Variants in ERC1 observed in about 807,000 individuals in gnomAD.
ERC1 encodes ELKS/RAB6-interacting/CAST family member 1, also known as RAB6 interacting protein 2.
In ERC1, 56 loss-of-function variants were observed where a neutral mutation model predicts 132.0. The observed-to-expected ratio is 0.42, with a 90% confidence interval of 0.34 to 0.53. The LOEUF (loss-of-function observed/expected upper bound fraction) is 0.53. Among genes scored for constraint, ERC1 ranks in the 20% least tolerant of loss-of-function variants. ERC1 has a pLI of 0.03. For synonymous variants in ERC1, 478 were observed against 476.1 expected, an observed-to-expected ratio of 1.00 and a Z score of -0.05; for missense variants, 1,202 against 1,349.9, an observed-to-expected ratio of 0.89 and a Z score of 1.72.
rs77290590 is a variant in ERC1 at position 1,332,777 on chromosome 12, C to G, written c.2781-39056C>G. Among the ~76,000 whole-genome samples the G allele has an allele frequency of 5.2e-3, 796 of 152,296 alleles. 5 individuals carry two copies. The highest frequency in any genetic ancestry group is 0.018 in the African/African-American group (751 of 41,574). The stretch of plus-strand genomic sequence containing the variant: ...ATAGAAAAGATCATTTCAGGTTTCT[C>G]TGCTTACTTGTTACAGGTGGGGAAA... On this transcript the variant is annotated intron_variant, in intron 15 of 18. Coordinates refer to ENST00000360905, the MANE Select transcript of ERC1 (RefSeq NM_178040.4).
intron 2 of ERC1, among the ~76,000 whole-genome samples, chr12:1,063,902 TG>T (rs1335131047): frequency 6.6e-6 from 1 of 152,240 alleles, no homozygotes; most frequent in Non-Finnish European, 1.5e-5. Flanking sequence ...TGTGTTTTCG[TG>T]ATGATACATA....
At chr12:1,040,360 C>T (rs1435780268) in intron 2 of ERC1, among the ~76,000 whole-genome samples, 2 of 137,566 alleles carry the variant, frequency 1.5e-5, no homozygotes, top group Non-Finnish European at 3.0e-5. Flanking sequence ...CTCGCTCTGT[C>T]AACCAGGCTG....
chr12:1,359,278 T>A (rs1365818804), intron 15 of ERC1, among the ~76,000 whole-genome samples: 8 of 152,204 alleles, frequency 5.3e-5, no homozygotes, highest in Non-Finnish European at 8.8e-5. Context: ...TAGGTAGACA[T>A]GAGGTAGAAT....
At chr12:1,388,459 G>A (rs930140057) in intron 16 of ERC1, among the ~76,000 whole-genome samples, 9 of 152,068 alleles carry the variant, frequency 5.9e-5, no homozygotes, top group African/African-American at 1.7e-4. Flanking sequence ...CTGAGATCAG[G>A]GAGCCATAGA....
chr12:1,178,024 A>G (rs962571608), intron 8 of ERC1, among the ~76,000 whole-genome samples: 1 of 152,216 alleles, frequency 6.6e-6, no homozygotes, highest in South Asian at 2.1e-4. Flanking sequence ...AGTTCTTACA[A>G]TAGGCTTTGG....
At chr12:1,321,986 C>G (rs902582663) in intron 15 of ERC1, among the ~76,000 whole-genome samples, 12 of 150,890 alleles carry the variant, frequency 8.0e-5, no homozygotes, top group African/African-American at 2.0e-4. Flanking sequence ...AGCTTTCCAT[C>G]TTTCCATACC....
At chr12:1,160,394 A>G (rs752709447) in intron 8 of ERC1, among the ~76,000 whole-genome samples, 3 of 152,124 alleles carry the variant, frequency 2.0e-5, no homozygotes, top group Admixed American at 6.6e-5. Flanking sequence ...TTATAAATCT[A>G]TATTCCTATT....
chr12:1,263,152 A>G lies in ERC1; in HGVS notation c.2606A>G (p.Asn869Ser), dbSNP rs748391395. The change falls in exon 14 of 19, where the codon AAT (asparagine) becomes AGT (serine). Residue 869 changes from asparagine (N) to serine (S), a missense_variant. By Grantham distance (46) the Asn-to-Ser change is conservative. Transcript: ENST00000360905. ...GCACAAGAGGAATCAGCCAGGACCA[A>G]TGCTGAAAAACAGGTCTGCTATTTT... ...VLAQEESART[N>S]AEKQVEELLM... 6.2e-7 allele frequency: 1 copy of G among 1,613,992 alleles called. No homozygotes were observed. Among genetic ancestry groups the G allele is most frequent in the African/African-American group, 1.3e-5 (1 of 75,048 alleles).
chr12:1,037,410 A>G (rs1175104877), intron 2 of ERC1, among the ~76,000 whole-genome samples: 1 of 152,198 alleles, frequency 6.6e-6, no homozygotes. Context: ...TTTTAGTTAC[A>G]TTAATGTTAA....
chr12:1,223,043 T>G (rs1410059582), intron 12 of ERC1, among the ~76,000 whole-genome samples: 1 of 152,236 alleles, frequency 6.6e-6, no homozygotes, highest in Non-Finnish European at 1.5e-5. Flanking sequence ...TTTTACGCAT[T>G]TGTTCAACAA....
chr12:1,467,736 T>C (rs941569957), intron 18 of ERC1, among the ~76,000 whole-genome samples: 1 of 152,218 alleles, frequency 6.6e-6, no homozygotes, highest in South Asian at 2.1e-4. Context: ...GTAGAATCCA[T>C]GGGAGCCCAG....
intron 2 of ERC1, among the ~76,000 whole-genome samples, chr12:1,029,716 G>A (rs1338654635): frequency 2.0e-5 from 3 of 151,406 alleles, no homozygotes; most frequent in Non-Finnish European, 4.4e-5. Context: ...ATCATATTCA[G>A]GCTCTACTAG....
At chr12:1,356,959 T>A (rs1016024303) in intron 15 of ERC1, among the ~76,000 whole-genome samples, 2 of 152,210 alleles carry the variant, frequency 1.3e-5, no homozygotes, top group Admixed American at 1.3e-4. Flanking sequence ...TTTGTTTTCA[T>A]CCATTTGGCC....
In ERC1 at chr12:1,443,949, T is replaced by C. The variant is rs967700244; in HGVS notation, c.3025-613T>C. The C allele has an allele frequency of 4.1e-4, 62 of 152,270 alleles. 1 individual carries two copies. Among genetic ancestry groups the C allele is most frequent in the African/African-American group, 1.4e-3 (59 of 41,454 alleles). The allele number at this position is 152,270 out of a possible 1,614,324, so 9.4% of individuals were successfully genotyped here. A position where few individuals can be genotyped will look rare whatever the true frequency, so the allele number is the denominator to read the frequency against. On this transcript the variant is annotated intron_variant, in intron 17 of 18. Coordinates refer to ENST00000360905, the MANE Select transcript of ERC1 (RefSeq NM_178040.4). ...AGGTGTTTGGTGTTATATAGGGATT[T>C]ATCAGTCACTGGTTCAGAAGAATAT...
intron 17 of ERC1, among the ~76,000 whole-genome samples, chr12:1,408,838 AT>A (rs1373405710): frequency 1.3e-5 from 2 of 152,248 alleles, no homozygotes; most frequent in Non-Finnish European, 2.9e-5. Flanking sequence ...ACCATATTCC[AT>A]TCTAGTTTCT....
intron 18 of ERC1, among the ~76,000 whole-genome samples, chr12:1,477,171 A>T (rs1448069792): frequency 6.6e-6 from 1 of 152,180 alleles, no homozygotes; most frequent in Non-Finnish European, 1.5e-5. Context: ...TTATTATGCT[A>T]GTTATTATAC....
At chr12:1,308,326 GAAA>G (rs142982428) in intron 15 of ERC1, among the ~76,000 whole-genome samples, 31 of 146,104 alleles carry the variant, frequency 2.1e-4, no homozygotes, top group African/African-American at 6.5e-4. Flanking sequence ...CTGAGATAAA[GAAA>G]AAAAAAATGC....
intron 17 of ERC1, among the ~76,000 whole-genome samples, chr12:1,440,300 G>A (rs1162159976): frequency 6.8e-6 from 1 of 146,608 alleles, no homozygotes. Flanking sequence ...CGCCTCCTGG[G>A]TTCACGCCAT....
intron 12 of ERC1, among the ~76,000 whole-genome samples, chr12:1,198,417 C>T (rs1304409006): frequency 6.6e-6 from 1 of 152,196 alleles, no homozygotes; most frequent in Non-Finnish European, 1.5e-5. Flanking sequence ...AAATATTGCA[C>T]TGCTACAATT....
Sources: allele counts gnomAD v4.1 joint callset (sites outside exome capture counted in the v4.1 genomes callset), GRCh38; gene constraint gnomAD v4.1.1; transcripts MANE v1.5; gene names NCBI Gene and HGNC (gene_info 2026-07-23, HGNC 2026-07-21).